The following SLC9C1 variants were observed in gnomAD, a reference collection of about 807,000 sequenced individuals.
SLC9C1 encodes solute carrier family 9 member C1.
In SLC9C1, 97 loss-of-function variants were observed where a neutral mutation model predicts 140.9. That is an observed-to-expected ratio of 0.69 (90% CI 0.58 to 0.82). The LOEUF (loss-of-function observed/expected upper bound fraction) is 0.82. Among genes scored for constraint, SLC9C1 ranks in the 40% least tolerant of loss-of-function variants. The probability of loss-of-function intolerance (pLI) is 0.00; values close to 1 mark genes in which losing one functional copy is unlikely to be tolerated. For synonymous variants in SLC9C1, 440 were observed against 442.6 expected (o/e 0.99, Z 0.07); for missense variants, 1,340 against 1,389.3 (o/e 0.96, Z 0.56).
chr3:112,218,552 T>A (rs78819805), intron 14 of SLC9C1, among the ~76,000 whole-genome samples: 12,605 of 152,244 alleles, frequency 0.083, 625 homozygotes, highest in East Asian at 0.2. Flanking sequence ...ATGTTGAATA[T>A]GTATATGACT....
At chr3:112,284,522 G>T (rs1167954820) in intron 2 of SLC9C1, among the ~76,000 whole-genome samples, 1 of 152,230 alleles carries the variant, frequency 6.6e-6, no homozygotes, top group Non-Finnish European at 1.5e-5. Context: ...AGAAGATAAA[G>T]CTGACTATGG....
rs2078826768 is a variant in SLC9C1 at position 112,231,469 on chromosome 3, T to C, written c.1464A>G (p.Thr488=). Residue 488 remains threonine (T), a synonymous_variant, in exon 13 of 29, where the codon ACA becomes ACG. Coordinates refer to ENST00000305815, the MANE Select transcript of SLC9C1 (RefSeq NM_183061.3). ...ENPYMLNEEE[T]TEHQKVKCPH... ...GACATTTCACCTTCTGATGTTCTGT[T>C]GTTTCTTCTTCGTTCAACTAAATAA... 1 of 1,611,504 alleles carries C rather than the reference T, an allele frequency of 6.2e-7. No individual in the cohort carries two copies. Among genetic ancestry groups the C allele is most frequent in the Non-Finnish European group, 8.5e-7 (1 of 1,178,690 alleles).
In SLC9C1 at chr3:112,155,011, T is replaced by C. The variant is rs777369299; in HGVS notation, c.3403A>G (p.Arg1135Gly). The change falls in exon 27 of 29, where the codon AGA becomes GGA. Residue 1135 changes from arginine (R) to glycine (G), a missense_variant. By Grantham distance (125) the Arg-to-Gly change is moderately radical. Transcript: ENST00000305815. ...TTTAAATTTACCTCCTTAACATTTC[T>C]TTCTTCTTGAATGCCTTCTTCCAAT... ...GTLEEGIQEE[R>G]NVKEDGAHSA... The C allele has an allele frequency of 5.6e-6, 9 of 1,611,412 alleles. No individual in the cohort carries two copies. In the South Asian group the frequency reaches 9.9e-5, roughly 18 times the overall value.
intron 2 of SLC9C1, among the ~76,000 whole-genome samples, chr3:112,282,802 T>C (rs1294189669): frequency 6.6e-6 from 1 of 152,236 alleles, no homozygotes; most frequent in Admixed American, 6.5e-5. Context: ...AGTTTATACT[T>C]TTATCTTTTA....
chr3:112,266,364 T>A, intron 7 of SLC9C1, 24 bp from the exon 8 acceptor site: 1 of 1,518,680 alleles, frequency 6.6e-7, no homozygotes, highest in South Asian at 1.2e-5. Context: ...GAAATAAATA[T>A]AAAGTATTAA....
intron 10 of SLC9C1, among the ~76,000 whole-genome samples, chr3:112,254,441 T>G (rs897439290): frequency 6.6e-6 from 1 of 152,160 alleles, no homozygotes; most frequent in Non-Finnish European, 1.5e-5. Context: ...TATTCAACAT[T>G]CTTAGACAAA....
intron 20 of SLC9C1, among the ~76,000 whole-genome samples, chr3:112,193,970 T>C (rs1307443520): frequency 6.6e-6 from 1 of 151,998 alleles, no homozygotes; most frequent in East Asian, 1.9e-4. Context: ...CTTGGTGGAA[T>C]GAAGAGACAG....
chr3:112,232,514 TA>T (rs2078856004), intron 12 of SLC9C1, among the ~76,000 whole-genome samples: 1 of 152,182 alleles, frequency 6.6e-6, no homozygotes, highest in Admixed American at 6.5e-5. Context: ...GTGTCAGTTC[TA>T]AATTCCTATC....
intron 20 of SLC9C1, among the ~76,000 whole-genome samples, chr3:112,187,988 T>C (rs150868058): frequency 6.6e-6 from 1 of 152,116 alleles, no homozygotes; most frequent in African/African-American, 2.4e-5. Flanking sequence ...TTACATATAA[T>C]GTTATTTATG....
chr3:112,286,236 C>T (rs2080503875), intron 2 of SLC9C1, among the ~76,000 whole-genome samples: 1 of 152,026 alleles, frequency 6.6e-6, no homozygotes, highest in African/African-American at 2.4e-5. Flanking sequence ...ATAACATTTG[C>T]TTCCATTTCA....
chr3:112,241,416 G>C (rs1380439754), intron 11 of SLC9C1, among the ~76,000 whole-genome samples: 2 of 152,024 alleles, frequency 1.3e-5, no homozygotes, highest in Non-Finnish European at 2.9e-5. Context: ...TCTACAAGGC[G>C]AACTATAAAA....
At chr3:112,286,320 A>G (rs751583140) in intron 2 of SLC9C1, among the ~76,000 whole-genome samples, 2 of 152,136 alleles carry the variant, frequency 1.3e-5, no homozygotes, top group Non-Finnish European at 2.9e-5. Context: ...CTTTTTGTTT[A>G]TACCATGTTC....
At chr3:112,239,528 AC>A (rs1288314680) in intron 12 of SLC9C1, among the ~76,000 whole-genome samples, 1 of 151,858 alleles carries the variant, frequency 6.6e-6, no homozygotes, top group African/African-American at 2.4e-5. Context: ...TGCAGAAATC[AC>A]CCGTCTTCTG....
intron 2 of SLC9C1, among the ~76,000 whole-genome samples, chr3:112,282,495 C>T (rs2080385689): frequency 6.6e-6 from 1 of 152,192 alleles, no homozygotes; most frequent in Non-Finnish European, 1.5e-5. Context: ...GAGTTCTTCA[C>T]CACAGCAATG....
intron 20 of SLC9C1, among the ~76,000 whole-genome samples, chr3:112,194,230 T>C (rs1319521281): frequency 6.6e-6 from 1 of 152,178 alleles, no homozygotes; most frequent in African/African-American, 2.4e-5. Context: ...CTGCAGGTGC[T>C]TGTGGTGGCA....
At chr3:112,223,495 G>A (rs1358205723) in intron 13 of SLC9C1, among the ~76,000 whole-genome samples, 1 of 152,146 alleles carries the variant, frequency 6.6e-6, no homozygotes. Context: ...TAGTTAGAAA[G>A]TTATAGAGTA....
chr3:112,188,397 C>T, intron 20 of SLC9C1, among the ~76,000 whole-genome samples: 1 of 142,766 alleles, frequency 7.0e-6, no homozygotes, highest in Admixed American at 7.0e-5. Flanking sequence ...CCCCTCACCC[C>T]ATGACAGGCC....
At chr3:112,216,859 A>G (rs1411264048) in intron 15 of SLC9C1, among the ~76,000 whole-genome samples, 1 of 152,208 alleles carries the variant, frequency 6.6e-6, no homozygotes, top group African/African-American at 2.4e-5. Flanking sequence ...TACTGGGTAT[A>G]TACCCAAAGG....
intron 8 of SLC9C1, 56 bp downstream of exon 8, chr3:112,266,182 T>C (rs2079913312): frequency 8.0e-7 from 1 of 1,243,406 alleles, no homozygotes; most frequent in Non-Finnish European, 1.2e-6. Flanking sequence ...TTGTTACTAT[T>C]ATAATATTAT....
Sources: allele counts gnomAD v4.1 joint callset (sites outside exome capture counted in the v4.1 genomes callset), GRCh38; gene constraint gnomAD v4.1.1; transcripts MANE v1.5; gene names NCBI Gene and HGNC (gene_info 2026-07-23, HGNC 2026-07-21).